TAFA2: variants seen among roughly 807,000 people sequenced by gnomAD.
TAFA2 encodes TAFA chemokine like family member 2.
TAFA2 carries 7 observed loss-of-function variants against 18.8 expected under a neutral mutation model. The ratio of observed to expected loss-of-function variants is 0.37; its 90% confidence interval spans 0.21 to 0.70. The LOEUF is 0.70. TAFA2 is among the 30% of genes least tolerant of loss of function. TAFA2 has a pLI of 0.53. For missense variants in TAFA2, 122 were observed against 158.1 expected (o/e 0.77, Z 1.23); for synonymous variants, 60 against 54.2 (o/e 1.11, Z -0.47).
chr12:61,925,590 C>T (rs2121378583), intron 1 of TAFA2, among the ~76,000 whole-genome samples: 1 of 152,132 alleles, frequency 6.6e-6, no homozygotes, highest in East Asian at 1.9e-4. Context: ...TCTCTTAAAT[C>T]TGTACCAGAT....
intron 1 of TAFA2, among the ~76,000 whole-genome samples, chr12:62,098,473 G>C (rs564079260): frequency 1.3e-5 from 2 of 152,112 alleles, no homozygotes; most frequent in South Asian, 4.2e-4. Flanking sequence ...TTCCAAAATA[G>C]GACAAAAGTA....
chr12:61,777,009 C>T (rs1050028412), intron 2 of TAFA2, among the ~76,000 whole-genome samples: 4 of 151,796 alleles, frequency 2.6e-5, no homozygotes, highest in African/African-American at 7.3e-5. Context: ...ACTGAGCAAG[C>T]GGCATTCCAG....
At chr12:61,772,950 C>A (rs1870097805) in intron 2 of TAFA2, among the ~76,000 whole-genome samples, 1 of 151,722 alleles carries the variant, frequency 6.6e-6, no homozygotes, top group Non-Finnish European at 1.5e-5. Context: ...TAATCATATA[C>A]CTAGAAAATC....
At chr12:61,947,809 A>T (rs564798031) in intron 1 of TAFA2, among the ~76,000 whole-genome samples, 9 of 152,298 alleles carry the variant, frequency 5.9e-5, no homozygotes, top group African/African-American at 2.2e-4. Context: ...CACTGAAGCA[A>T]GGGTGTGCAA....
chr12:62,052,237 A>G (rs1882075726), intron 1 of TAFA2, among the ~76,000 whole-genome samples: 1 of 152,036 alleles, frequency 6.6e-6, no homozygotes, highest in African/African-American at 2.4e-5. Context: ...TCTGTTTCCC[A>G]GGGACTGGAA....
intron 1 of TAFA2, among the ~76,000 whole-genome samples, chr12:62,189,940 T>TTGTGTGTGTGTGTGTGTGTGTGTG (rs10643306): frequency 2.8e-5 from 4 of 141,926 alleles, no homozygotes; most frequent in African/African-American, 8.0e-5. Context: ...TGAGTTTGCT[T>TTGTGTGTGTGTGTGTGTGTGTGTG]TGTGTGTGTG....
intron 1 of TAFA2, among the ~76,000 whole-genome samples, chr12:62,144,604 G>T (rs2062267985): frequency 1.3e-5 from 2 of 152,176 alleles, no homozygotes; most frequent in South Asian, 4.1e-4. Context: ...GCCTCTTGGG[G>T]AATTGTTACA....
rs1255096000 is a variant in TAFA2, at chr12:62,192,716, G to A, written c.-1459C>T. ...GTAAAATGGAATGGCAGGGCCGGGC[G>A]GCGTTGCCTCGCCTCTCTCTCCCAA... On this transcript the variant is annotated 5_prime_UTR_variant, in exon 1 of 5. Coordinates refer to ENST00000416284, the MANE Select transcript of TAFA2 (RefSeq NM_178539.5). 1 of 152,260 alleles carries A rather than the reference G, an allele frequency of 6.6e-6. No homozygotes were observed. The allele number at this position is 152,260 out of a possible 1,614,324, so 9.4% of individuals were successfully genotyped here.
intron 4 of TAFA2, among the ~76,000 whole-genome samples, chr12:61,725,759 G>A (rs1173575176): frequency 6.6e-6 from 1 of 151,752 alleles, no homozygotes; most frequent in African/African-American, 2.4e-5. Context: ...TCTTGCTTTG[G>A]CAAAGCAAGT....
intron 1 of TAFA2, among the ~76,000 whole-genome samples, chr12:62,105,158 CT>C (rs2136856380): frequency 6.6e-6 from 1 of 152,070 alleles, no homozygotes; most frequent in South Asian, 2.1e-4. Flanking sequence ...ATAATGCAAA[CT>C]CATTTACAGA....
chr12:62,189,313 T>C (rs138111333), intron 1 of TAFA2, among the ~76,000 whole-genome samples: 1 of 152,338 alleles, frequency 6.6e-6, no homozygotes, highest in Non-Finnish European at 1.5e-5. Flanking sequence ...TTAGTATCTA[T>C]AAATAATACA....
chr12:61,731,293 A>T (rs1446217225), intron 4 of TAFA2, among the ~76,000 whole-genome samples: 1 of 152,068 alleles, frequency 6.6e-6, no homozygotes, highest in Non-Finnish European at 1.5e-5. Context: ...ACTGGCAACA[A>T]GCTACATCTT....
At chr12:61,994,448 G>A (rs1880115739) in intron 1 of TAFA2, among the ~76,000 whole-genome samples, 1 of 152,142 alleles carries the variant, frequency 6.6e-6, no homozygotes, top group Non-Finnish European at 1.5e-5. Flanking sequence ...CCTCTCCTGA[G>A]TAATTCTCAT....
chr12:61,734,145 G>C (rs1217436052), intron 4 of TAFA2, among the ~76,000 whole-genome samples: 4 of 151,426 alleles, frequency 2.6e-5, no homozygotes, highest in Non-Finnish European at 4.4e-5. Flanking sequence ...CTTTGCTGAA[G>C]TTGCTTATCA....
intron 1 of TAFA2, among the ~76,000 whole-genome samples, chr12:61,998,022 G>A (rs1410153733): frequency 1.3e-5 from 2 of 152,004 alleles, no homozygotes; most frequent in Admixed American, 1.3e-4. Flanking sequence ...AGGAAATCAT[G>A]GGTCAGATGT....
At chr12:62,113,131 G>A (rs889530468) in intron 1 of TAFA2, among the ~76,000 whole-genome samples, 2 of 152,246 alleles carry the variant, frequency 1.3e-5, no homozygotes, top group Non-Finnish European at 1.5e-5. Flanking sequence ...ATATACCTTT[G>A]TTCTTTGATG....
chr12:61,758,942 G>A (rs891280842), intron 2 of TAFA2, among the ~76,000 whole-genome samples: 1 of 151,986 alleles, frequency 6.6e-6, no homozygotes, highest in Non-Finnish European at 1.5e-5. Flanking sequence ...TCACTAAGGT[G>A]AGATAGCTTC....
chr12:62,046,563 A>C (rs1263115866), intron 1 of TAFA2, among the ~76,000 whole-genome samples: 1 of 152,162 alleles, frequency 6.6e-6, no homozygotes, highest in Non-Finnish European at 1.5e-5. Context: ...TTGGCTGTCT[A>C]CACAGAATAA....
At chr12:62,158,372 A>G (rs1001829338) in intron 1 of TAFA2, among the ~76,000 whole-genome samples, 5 of 152,224 alleles carry the variant, frequency 3.3e-5, no homozygotes, top group African/African-American at 1.2e-4. Flanking sequence ...GTTAAAACAC[A>G]TTCTTTTGGT....
Sources: allele counts gnomAD v4.1 joint callset (sites outside exome capture counted in the v4.1 genomes callset), GRCh38; gene constraint gnomAD v4.1.1; transcripts MANE v1.5; gene names NCBI Gene and HGNC (gene_info 2026-07-23, HGNC 2026-07-21).